Variants in CHODL observed in about 807,000 individuals in gnomAD.
CHODL encodes transmembrane protein MT75.
Under a neutral mutation model 34.5 loss-of-function variants are expected in CHODL, and 29 were observed. The observed-to-expected ratio is 0.84, with a 90% confidence interval of 0.63 to 1.15. The LOEUF (loss-of-function observed/expected upper bound fraction) is 1.15. Ranked by LOEUF, CHODL falls within the 50% of genes most tolerant of loss-of-function variation. The pLI is 0.00. For missense variants in CHODL, 332 were observed against 332.5 expected, an observed-to-expected ratio of 1.00 and a Z score of 0.01; for synonymous variants, 125 against 116.1, an observed-to-expected ratio of 1.08 and a Z score of -0.49.
intron 2 of CHODL, among the ~76,000 whole-genome samples, chr21:18,069,264 G>A (rs2064767696): frequency 6.6e-6 from 1 of 152,022 alleles, no homozygotes; most frequent in African/African-American, 2.4e-5. Context: ...GAAAGGAATT[G>A]GACAAACCAC....
At chr21:18,056,444 A>G (rs557495300) in intron 2 of CHODL, among the ~76,000 whole-genome samples, 1 of 149,504 alleles carries the variant, frequency 6.7e-6, no homozygotes, top group East Asian at 1.9e-4. Context: ...AAAATTTACA[A>G]TGATGTGCAT....
intron 2 of CHODL, among the ~76,000 whole-genome samples, chr21:18,168,713 T>C (rs1394002723): frequency 1.3e-5 from 2 of 152,218 alleles, no homozygotes; most frequent in Non-Finnish European, 2.9e-5. Flanking sequence ...TTTTTTCCAT[T>C]ACATGGGTTG....
At chr21:18,181,633 G>A (rs1421382391) in intron 2 of CHODL, among the ~76,000 whole-genome samples, 2 of 152,036 alleles carry the variant, frequency 1.3e-5, no homozygotes, top group South Asian at 2.1e-4. Context: ...CTCGTGATCC[G>A]ACTGCCTTGG....
intron 2 of CHODL, among the ~76,000 whole-genome samples, chr21:18,166,202 TC>T (rs1359269118): frequency 6.6e-6 from 1 of 152,162 alleles, no homozygotes; most frequent in Non-Finnish European, 1.5e-5. Context: ...ATCTCCTAGT[TC>T]CTAGGATCTG....
chr21:18,208,554 G>A (rs111683697), intron 2 of CHODL, among the ~76,000 whole-genome samples: 11 of 151,970 alleles, frequency 7.2e-5, no homozygotes, highest in Admixed American at 2.0e-4. Context: ...AATGTTTGTC[G>A]GTGTCTTTCT....
intron 2 of CHODL, among the ~76,000 whole-genome samples, chr21:18,074,349 A>G (rs2064840001): frequency 6.6e-6 from 1 of 152,290 alleles, no homozygotes; most frequent in Non-Finnish European, 1.5e-5. Context: ...ATAGTCTTGG[A>G]TATGGGGCAC....
intron 4 of CHODL, among the ~76,000 whole-genome samples, chr21:18,261,885 G>T (rs148158428): frequency 1.3e-3 from 205 of 152,040 alleles, no homozygotes; most frequent in African/African-American, 4.7e-3. Context: ...CTGGAGTCTC[G>T]TGTCTCTGAG....
At chr21:18,097,050 T>C (rs544702815) in intron 2 of CHODL, among the ~76,000 whole-genome samples, 2 of 152,054 alleles carry the variant, frequency 1.3e-5, no homozygotes, top group Non-Finnish European at 2.9e-5. Context: ...CCTAAAAAAT[T>C]GGGTATAGAA....
At chr21:18,068,586 AC>A (rs1416108695) in intron 2 of CHODL, among the ~76,000 whole-genome samples, 1 of 152,076 alleles carries the variant, frequency 6.6e-6, no homozygotes, top group Non-Finnish European at 1.5e-5. Context: ...TCATTCTTGC[AC>A]CCTATTCTCA....
At chr21:18,161,951 C>G (rs1336906186) in intron 2 of CHODL, among the ~76,000 whole-genome samples, 1 of 152,160 alleles carries the variant, frequency 6.6e-6, no homozygotes, top group African/African-American at 2.4e-5. Context: ...AAGTGTACAG[C>G]TGGTTGAGCT....
At chr21:18,103,573 T>A (rs2065239762) in intron 2 of CHODL, among the ~76,000 whole-genome samples, 1 of 152,168 alleles carries the variant, frequency 6.6e-6, no homozygotes, top group Non-Finnish European at 1.5e-5. Flanking sequence ...TATGTGGCAT[T>A]GCCTGTCTCT....
At chr21:18,064,157 C>T (rs1276834531) in intron 2 of CHODL, among the ~76,000 whole-genome samples, 1 of 152,092 alleles carries the variant, frequency 6.6e-6, no homozygotes, top group Non-Finnish European at 1.5e-5. Context: ...TGTGTCATAT[C>T]CATAAGTCAT....
At chr21:18,214,851 A>G (rs550949436) in intron 2 of CHODL, among the ~76,000 whole-genome samples, 2 of 152,126 alleles carry the variant, frequency 1.3e-5, no homozygotes, top group Admixed American at 6.6e-5. Context: ...TCTCACACAC[A>G]GCTGCATTGT....
At chr21:18,079,284 G>A (rs1459730751) in intron 2 of CHODL, among the ~76,000 whole-genome samples, 1 of 151,230 alleles carries the variant, frequency 6.6e-6, no homozygotes, top group African/African-American at 2.4e-5. Flanking sequence ...CAACTTTGTT[G>A]CTGCAAAAAC....
chr21:18,112,179 A>G (rs1223230628), intron 2 of CHODL, among the ~76,000 whole-genome samples: 1 of 152,162 alleles, frequency 6.6e-6, no homozygotes. Context: ...GAAAGTGCAG[A>G]GGATTGGCAT....
At chr21:17,946,678 T>C (rs1212992001) in intron 1 of CHODL, among the ~76,000 whole-genome samples, 10 of 152,216 alleles carry the variant, frequency 6.6e-5, no homozygotes, top group African/African-American at 2.4e-4. Context: ...TTGTTTCTTT[T>C]AATGGTGTTT....
intron 1 of CHODL, among the ~76,000 whole-genome samples, chr21:17,937,284 C>T (rs2063326710): frequency 6.6e-6 from 1 of 152,022 alleles, no homozygotes; most frequent in African/African-American, 2.4e-5. Flanking sequence ...TTTGAAATTG[C>T]CACAGAGAGG....
chr21:17,981,934 A>G (rs757556428), intron 1 of CHODL, among the ~76,000 whole-genome samples: 2 of 152,244 alleles, frequency 1.3e-5, no homozygotes, highest in African/African-American at 2.4e-5. Flanking sequence ...GATGTGTTCA[A>G]TTGGCATAGG....
chr21:17,933,550 G>C (rs1451288277), intron 1 of CHODL, among the ~76,000 whole-genome samples: 1 of 152,164 alleles, frequency 6.6e-6, no homozygotes, highest in African/African-American at 2.4e-5. Flanking sequence ...AGAGCACGGG[G>C]TTGGGGTAAG....
Sources: allele counts gnomAD v4.1 joint callset (sites outside exome capture counted in the v4.1 genomes callset), GRCh38; gene constraint gnomAD v4.1.1; transcripts MANE v1.5; gene names NCBI Gene and HGNC (gene_info 2026-07-23, HGNC 2026-07-21).